RAD51B: variants seen among roughly 807,000 people sequenced by gnomAD.
RAD51B encodes the protein RAD51 paralog B, also known as DNA repair protein RAD51 homolog 2.
RAD51B carries 38 observed loss-of-function variants against 42.2 expected under a neutral mutation model. The ratio of observed to expected loss-of-function variants is 0.90; its 90% CI spans 0.70 to 1.18. RAD51B has a LOEUF of 1.18. RAD51B is among the 50% of genes most tolerant of loss of function. The pLI is 0.00. For missense variants in RAD51B, 373 were observed against 400.7 expected (o/e 0.93, Z 0.59); for synonymous variants, 154 against 145.2 (o/e 1.06, Z -0.43).
chr14:68,450,436 C>G (rs2085530541), intron 9 of RAD51B, among the ~76,000 whole-genome samples: 1 of 152,070 alleles, frequency 6.6e-6, no homozygotes, highest in South Asian at 2.1e-4. Context: ...CCAGGCTGGT[C>G]TCGAACTCCT....
In RAD51B at chr14:67,835,153, A is replaced by G; in HGVS notation, c.272A>G (p.Asp91Gly). Reference protein sequence around the residue: ...AFLSTTLSALDEALHGGVACG... With the variant: ...AFLSTTLSALGEALHGGVACG... ...TTATCTACTACCCTTTCTGCTTTGG[A>G]CGAAGCCCTGCATGGTGGTGTGGCT... The change falls in exon 4 of 11, where the codon GAC (aspartate) becomes GGC (glycine). Residue 91 changes from aspartate (D) to glycine (G), a missense_variant. Coordinates refer to ENST00000471583, the MANE Select transcript of RAD51B (RefSeq NM_133510.4). 6.2e-7 allele frequency: 1 copy of G among 1,614,094 alleles called. No homozygotes were observed. Among genetic ancestry groups the G allele is most frequent in the South Asian group, 1.1e-5 (1 of 91,080 alleles).
intron 4 of RAD51B, among the ~76,000 whole-genome samples, chr14:67,839,728 G>A (rs2041362510): frequency 6.6e-6 from 1 of 151,166 alleles, no homozygotes; most frequent in Admixed American, 6.6e-5. Flanking sequence ...ATTTTTTTGT[G>A]GGGTTATTCT....
intron 3 of RAD51B, among the ~76,000 whole-genome samples, chr14:67,833,803 G>T (rs2041137910): frequency 6.6e-6 from 1 of 152,222 alleles, no homozygotes; most frequent in African/African-American, 2.4e-5. Flanking sequence ...CCTGGGTTTA[G>T]ATATAGTTGC....
downstream of RAD51B, among the ~76,000 whole-genome samples, chr14:68,479,816 G>A (rs569473315): frequency 1.1e-4 from 17 of 151,618 alleles, no homozygotes; most frequent in African/African-American, 3.9e-4. Context: ...CCACAGATGG[G>A]CATCACCACA....
chr14:68,100,733 G>C (rs2077274495), intron 7 of RAD51B, among the ~76,000 whole-genome samples: 1 of 152,086 alleles, frequency 6.6e-6, no homozygotes, highest in Non-Finnish European at 1.5e-5. Context: ...TAGATATATG[G>C]AGCCTTAGAG....
At chr14:67,930,913 A>C (rs111664248) in intron 7 of RAD51B, among the ~76,000 whole-genome samples, 1,494 of 125,046 alleles carry the variant, frequency 0.012, 26 homozygotes, top group African/African-American at 0.052. Context: ...TGCCTGGGTT[A>C]TTTCTTTTTT....
intron 8 of RAD51B, among the ~76,000 whole-genome samples, chr14:68,406,987 G>A (rs775029496): frequency 1.3e-5 from 2 of 152,128 alleles, no homozygotes; most frequent in South Asian, 2.1e-4. Flanking sequence ...GCAATAACAC[G>A]CATGAAGCTG....
chr14:68,550,883 A>T lies in RAD51B; in HGVS notation c.1037-43602A>T, dbSNP rs569209052. ...AAGGAGTTGCTTCCAAAAATTTAAA[A>T]AATAGTTAAAGAGAGGCATTTATAA... On this transcript the variant is annotated intron_variant, in intron 10 of 10. Coordinates refer to the RAD51B transcript ENST00000487270. Among the ~76,000 whole-genome samples the T allele has an allele frequency of 9.3e-4, 141 of 152,352 alleles. 1 individual carries two copies. Among genetic ancestry groups the T allele is most frequent in the African/African-American group, 3.2e-3 (132 of 41,564 alleles).
At chr14:67,947,493 AT>A (rs1462411857) in intron 7 of RAD51B, among the ~76,000 whole-genome samples, 2 of 152,202 alleles carry the variant, frequency 1.3e-5, no homozygotes, top group East Asian at 3.8e-4. Flanking sequence ...CATGGAAGGC[AT>A]TTCATTAAAT....
intron 8 of RAD51B, among the ~76,000 whole-genome samples, chr14:68,351,416 G>C (rs150792520): frequency 2.0e-5 from 3 of 151,948 alleles, no homozygotes; most frequent in African/African-American, 7.2e-5. Context: ...ATAATTATTT[G>C]ATGAATGTTT....
At chr14:68,223,576 T>C (rs1457215163) in intron 7 of RAD51B, among the ~76,000 whole-genome samples, 1 of 152,252 alleles carries the variant, frequency 6.6e-6, no homozygotes, top group Non-Finnish European at 1.5e-5. Flanking sequence ...TCTGCCATGA[T>C]AACTCATAGC....
At chr14:68,431,940 G>A (rs538169624) in intron 9 of RAD51B, among the ~76,000 whole-genome samples, 1 of 152,202 alleles carries the variant, frequency 6.6e-6, no homozygotes, top group South Asian at 2.1e-4. Context: ...CAGAGATTCT[G>A]GTATGTTGTG....
chr14:67,823,547 G>A lies in RAD51B; in HGVS notation c.4G>A (p.Gly2Ser). The A allele has an allele frequency of 1.9e-6, 3 of 1,613,230 alleles. No homozygotes were observed. Among genetic ancestry groups the A allele is most frequent in the Non-Finnish European group, 2.5e-6 (3 of 1,179,610 alleles). The change falls in exon 2 of 11, where the codon GGT becomes AGT. Residue 2 changes from glycine (G) to serine (S), a missense_variant. Gly to Ser is a moderately conservative substitution (Grantham distance 56). Transcript: ENST00000471583. ...TTTCTTTGCTGGATCTGGAGGCATG[G>A]GTAGCAAGAAACTAAAACGAGTGGG... Reference protein sequence around the residue: MGSKKLKRVGLS... With the variant: MSSKKLKRVGLS...
At chr14:67,948,239 G>A (rs936030573) in intron 7 of RAD51B, among the ~76,000 whole-genome samples, 1 of 152,214 alleles carries the variant, frequency 6.6e-6, no homozygotes, top group Admixed American at 6.5e-5. Context: ...CCTACAGCCA[G>A]TGGCTTGCTT....
chr14:68,470,156 A>T (rs1034094906), intron 10 of RAD51B, among the ~76,000 whole-genome samples: 3 of 152,192 alleles, frequency 2.0e-5, no homozygotes, highest in Admixed American at 2.0e-4. Flanking sequence ...GGAAAGAGAA[A>T]AATTCAGGAA....
At chr14:68,211,138 G>A (rs566107886) in intron 7 of RAD51B, among the ~76,000 whole-genome samples, 26 of 152,242 alleles carry the variant, frequency 1.7e-4, no homozygotes, top group African/African-American at 6.3e-4. Context: ...CAAGAGCATT[G>A]CCACATGGTG....
intron 7 of RAD51B, among the ~76,000 whole-genome samples, chr14:68,133,055 C>CT (rs1270974093): frequency 6.6e-6 from 1 of 152,044 alleles, no homozygotes; most frequent in Non-Finnish European, 1.5e-5. Flanking sequence ...AAGAGGGATG[C>CT]TTTTTCCAGA....
intron 8 of RAD51B, among the ~76,000 whole-genome samples, chr14:68,348,628 G>T (rs964711071): frequency 6.6e-6 from 1 of 152,208 alleles, no homozygotes; most frequent in African/African-American, 2.4e-5. Context: ...CGCCTGGCGC[G>T]GTGGCTCACG....
At chr14:67,823,433 G>A (rs1778380184) in intron 1 of RAD51B, 109 bp from the exon 2 acceptor site, 2 of 767,070 alleles carry the variant, frequency 2.6e-6, no homozygotes, top group Non-Finnish European at 4.2e-6. Flanking sequence ...TTTGCATATG[G>A]AGAAACTTGA....
Sources: gnomAD v4.1 joint callset for allele counts (sites outside exome capture counted in the v4.1 genomes callset) on GRCh38, gnomAD v4.1.1 for gene constraint, MANE v1.5 for transcripts, NCBI Gene and HGNC (gene_info 2026-07-23, HGNC 2026-07-21) for gene names.